The following TNNI2 variants were observed in gnomAD, a reference collection of about 807,000 sequenced individuals.
The protein encoded by TNNI2 is troponin I2, fast skeletal type.
A neutral mutation model predicts 26.5 loss-of-function variants in TNNI2; 14 were observed. The observed-to-expected ratio is 0.53, with a 90% CI of 0.35 to 0.83. The LOEUF (loss-of-function observed/expected upper bound fraction) is 0.83, where lower values mean the gene tolerates loss of function less well. Ranked by LOEUF, TNNI2 falls within the 40% of genes least tolerant of loss-of-function variation. The pLI is 0.01. For synonymous variants in TNNI2, 126 were observed against 97.6 expected, an observed-to-expected ratio of 1.29 and a Z score of -1.71; for missense variants, 205 against 248.5, an observed-to-expected ratio of 0.82 and a Z score of 1.18.
chr11:1,841,637 G>T lies in TNNI2; in HGVS notation c.*86G>T, dbSNP rs1847186302. 4 of 1,263,420 alleles carry T rather than the reference G, an allele frequency of 3.2e-6. No homozygotes were observed. The highest frequency in any genetic ancestry group is 1.8e-4 in the Middle Eastern group (1 of 5,422). The allele number at this position is 1,263,420 out of a possible 1,614,324, so 78.3% of individuals were successfully genotyped here. On this transcript the variant is annotated 3_prime_UTR_variant, in exon 8 of 8. Transcript: ENST00000381911. ...ATGCACCCAGAGCCTGCCAGGGAGGGCTGGCCTCACCACCACCGTCAATAA... is the reference window on the plus strand; with the variant it reads ...ATGCACCCAGAGCCTGCCAGGGAGGTCTGGCCTCACCACCACCGTCAATAA...
Position 1,840,135 on chromosome 11 carries a change from C to A in TNNI2, c.16-268C>A, listed in dbSNP as rs1030457795. ...TTCCCGCCCCCACCTCACCGGCCGA[C>A]CTGCCCCCAACTGGCCCTCCTCTCC... On this transcript the variant is annotated intron_variant, in intron 3 of 7. Coordinates refer to ENST00000381911, the MANE Select transcript of TNNI2 (RefSeq NM_003282.4). The A allele has an allele frequency of 6.9e-6, 10 of 1,439,700 alleles. No individual in the cohort carries two copies. The African/African-American group carries it at 1.1e-4, about 16-fold the overall frequency. 89.2% of individuals were successfully genotyped at this position (1,439,700 alleles called of 1,614,324 possible).
chr11:1,840,150 C>T, intron 3 of TNNI2: 1 of 1,528,506 alleles, frequency 6.5e-7, no homozygotes. Flanking sequence ...CCCCAACTGG[C>T]CCTCCTCTCC....
At chr11:1,841,342 C>A in intron 7 of TNNI2, 114 bp from the exon 8 acceptor site, 1 of 1,519,750 alleles carries the variant, frequency 6.6e-7, no homozygotes, top group Non-Finnish European at 9.1e-7. Context: ...GGGTGCCATG[C>A]AGGGGACACT....
intron 7 of TNNI2, 99 bp downstream of exon 7, chr11:1,841,306 G>A (rs936045517): frequency 9.5e-5 from 148 of 1,552,616 alleles, no homozygotes; most frequent in Non-Finnish European, 1.2e-4. Context: ...CTGCCCTGCC[G>A]GGGGCCCTGT....
In TNNI2 at chr11:1,841,487, G is replaced by A; in HGVS notation, c.485G>A (p.Arg162Lys). 6.2e-7 allele frequency: 1 copy of A among 1,614,168 alleles called. No individual in the cohort carries two copies. Among genetic ancestry groups the A allele is most frequent in the East Asian group, 2.2e-5 (1 of 44,882 alleles). Reference protein sequence around the residue: ...ERDLRDVGDWRKNIEEKSGME... With the variant: ...ERDLRDVGDWKKNIEEKSGME... ...GACCTGCGAGACGTGGGTGACTGGA[G>A]GAAGAACATCGAGGAGAAGTCTGGC... The change falls in exon 8 of 8, where the codon AGG becomes AAG. Residue 162 changes from arginine to lysine, a missense_variant. Transcript: ENST00000381911.
In TNNI2 at chr11:1,840,579, C is replaced by T. The variant is rs200853083; in HGVS notation, c.109C>T (p.Arg37Cys). 19 of 1,612,654 alleles carry T rather than the reference C, an allele frequency of 1.2e-5. No homozygotes were observed. Among genetic ancestry groups the T allele is most frequent in the South Asian group, 3.3e-5 (3 of 91,088 alleles). ...ATELEKEESR[R>C]EAEKQNYLAE... Reference sequence around the variant, plus strand: ...GGAGCTGGAGAAGGAGGAGAGCCGCCGTGAGGCAGAGAAGCAGAACTACCT... The same window carrying T: ...GGAGCTGGAGAAGGAGGAGAGCCGCTGTGAGGCAGAGAAGCAGAACTACCT... The change falls in exon 5 of 8, where the codon CGT (arginine) becomes TGT (cysteine). Residue 37 changes from arginine (R) to cysteine (C), a missense_variant. Physicochemically the swap from Arg to Cys is radical, Grantham distance 180. Coordinates refer to ENST00000381911, the MANE Select transcript of TNNI2 (RefSeq NM_003282.4).
Position 1,839,663 on chromosome 11 carries a change from C to T in TNNI2, c.-22-12C>T. 1 of 1,613,538 alleles carries T rather than the reference C, an allele frequency of 6.2e-7. No individual in the cohort carries two copies. On this transcript the variant is annotated splice_polypyrimidine_tract_variant and intron_variant, in intron 1 of 7. Transcript: ENST00000381911. ...GGGCCTGGCCAACACCTCTGTCTTC[C>T]TCTCCCCACAGGCTCCAAGCTCAGG...
At chr11:1,839,785 C>G in intron 2 of TNNI2, 64 bp from the exon 3 acceptor site, 1 of 1,612,272 alleles carries the variant, frequency 6.2e-7, no homozygotes, top group Non-Finnish European at 8.5e-7. Context: ...TCCGACCCCG[C>G]CAGCCATGGC....
intron 1 of TNNI2, 96 bp from the exon 2 acceptor site, chr11:1,839,579 C>A: frequency 1.5e-6 from 2 of 1,342,678 alleles, no homozygotes; most frequent in Non-Finnish European, 2.1e-6. Flanking sequence ...AGGGGGCTGT[C>A]ATCAGGAGCC....
intron 1 of TNNI2, 127 bp from the exon 2 acceptor site, chr11:1,839,548 T>G (rs1847117120): frequency 2.7e-6 from 2 of 734,710 alleles, no homozygotes; most frequent in South Asian, 1.7e-5. Context: ...GGGGAGGAGG[T>G]GAGAGTAGGG....
chr11:1,839,613 A>T (rs1265709377), intron 1 of TNNI2, 62 bp from the exon 2 acceptor site: 2 of 1,595,802 alleles, frequency 1.3e-6, no homozygotes, highest in Admixed American at 1.7e-5. Flanking sequence ...CACCTACCTG[A>T]TGGGCACAGG....
chr11:1,839,992 C>G (rs1565059516), intron 3 of TNNI2, 137 bp downstream of exon 3: 2 of 1,358,740 alleles, frequency 1.5e-6, no homozygotes, highest in Admixed American at 2.1e-5. Context: ...AGTGCCCCAC[C>G]CACCCACCAA....
rs1554969616 is a variant in TNNI2, at chr11:1,840,588, G to C, written c.118G>C (p.Glu40Gln). Residue 40 changes from glutamate (E) to glutamine (Q), a missense_variant, in exon 5 of 8, where the codon GAG (glutamate) becomes CAG (glutamine). Physicochemically the swap from Glu to Gln is conservative, Grantham distance 29. Transcript: ENST00000381911. ...GAAGGAGGAGAGCCGCCGTGAGGCAGAGAAGCAGAACTACCTGGCGGAGCA... is the reference window on the plus strand; with the variant it reads ...GAAGGAGGAGAGCCGCCGTGAGGCACAGAAGCAGAACTACCTGGCGGAGCA... ...LEKEESRREA[E>Q]KQNYLAEHCP... The C allele has an allele frequency of 1.2e-6, 2 of 1,612,826 alleles. No homozygotes were observed.
rs543012338 is a variant in TNNI2, at chr11:1,841,578, C to T, written c.*27C>T. 5.0e-5 allele frequency: 81 copies of T among 1,605,916 alleles called. No homozygotes were observed. Among genetic ancestry groups the T allele is most frequent in the Middle Eastern group, 1.7e-4 (1 of 6,046 alleles). On this transcript the variant is annotated 3_prime_UTR_variant, in exon 8 of 8. Coordinates refer to ENST00000381911, the MANE Select transcript of TNNI2 (RefSeq NM_003282.4). ...CCACTCGCTGCCCCTACGCCTGCCC[C>T]GGTGCCCGGCTCCCAGCAGAACATA...
At chr11:1,841,003 G>A (rs1847163664) in intron 6 of TNNI2, 28 bp from the exon 7 acceptor site, 2 of 1,607,960 alleles carry the variant, frequency 1.2e-6, no homozygotes, top group Admixed American at 3.4e-5. Flanking sequence ...CGGGACCTCG[G>A]GCTCCCACCC....
chr11:1,841,654 C>G lies in TNNI2; in HGVS notation c.*103C>G. ...CAGGGAGGGCTGGCCTCACCACCAC[C>G]GTCAATAAAGGATTTGAATCCCCAT... On this transcript the variant is annotated 3_prime_UTR_variant, in exon 8 of 8. Coordinates refer to ENST00000381911, the MANE Select transcript of TNNI2 (RefSeq NM_003282.4). 1.9e-6 allele frequency: 2 copies of G among 1,040,028 alleles called. No individual in the cohort carries two copies. The highest frequency in any genetic ancestry group is 2.0e-4 in the Middle Eastern group (1 of 4,974). The allele number at this position is 1,040,028 out of a possible 1,614,324, so 64.4% of individuals were successfully genotyped here. A position where few individuals can be genotyped will look rare whatever the true frequency, so the allele number is the denominator to read the frequency against.
At chr11:1,841,422 G>A (rs1398354688) in intron 7 of TNNI2, 34 bp from the exon 8 acceptor site, 2 of 1,609,822 alleles carry the variant, frequency 1.2e-6, no homozygotes, top group Admixed American at 3.3e-5. Flanking sequence ...ATAAGTGGGT[G>A]AGCCTGAGCT....
Position 1,839,708 on chromosome 11 carries a change from A to C in TNNI2, c.8+4A>C, listed in dbSNP as rs1565059353. 6.2e-7 allele frequency: 1 copy of C among 1,613,772 alleles called. No homozygotes were observed. On this transcript the variant is annotated splice_donor_region_variant and intron_variant, in intron 2 of 7. Coordinates refer to ENST00000381911, the MANE Select transcript of TNNI2 (RefSeq NM_003282.4). Reference sequence around the variant, plus strand: ...CTCAGGACCTCAGGATGGGAGAGTAAGTGGTACCCCTGTACCCCCATACAG... The same window carrying C: ...CTCAGGACCTCAGGATGGGAGAGTACGTGGTACCCCTGTACCCCCATACAG...
Position 1,840,523 on chromosome 11 carries a change from C to A in TNNI2, c.58-5C>A, listed in dbSNP as rs759686338. ...TGCAGCCCCTCACCGCCTGCCCCACCGCAGAGTGTGATGCTGCAGATAGCG... is the reference window on the plus strand; with the variant it reads ...TGCAGCCCCTCACCGCCTGCCCCACAGCAGAGTGTGATGCTGCAGATAGCG... On this transcript the variant is annotated splice_polypyrimidine_tract_variant and splice_region_variant and intron_variant, in intron 4 of 7. Transcript: ENST00000381911. 1 of 1,611,770 alleles carries A rather than the reference C, an allele frequency of 6.2e-7. No individual in the cohort carries two copies. Among genetic ancestry groups the A allele is most frequent in the South Asian group, 1.1e-5 (1 of 91,004 alleles).
Sources: gnomAD v4.1 joint callset for allele counts on GRCh38, gnomAD v4.1.1 for gene constraint, MANE v1.5 for transcripts, NCBI Gene and HGNC (gene_info 2026-07-23, HGNC 2026-07-21) for gene names.